The following RARB variants were observed in gnomAD, a reference collection of about 807,000 sequenced individuals.
RARB encodes retinoic acid receptor beta.
In RARB, 17 loss-of-function variants were observed where a neutral mutation model predicts 51.9. The ratio of observed to expected loss-of-function variants is 0.33; its 90% confidence interval spans 0.22 to 0.49. The LOEUF (loss-of-function observed/expected upper bound fraction) is 0.49, where lower values mean the gene tolerates loss of function less well. RARB is among the 20% of genes least tolerant of loss of function. The pLI is 0.99. For synonymous variants in RARB, 215 were observed against 195.4 expected, an observed-to-expected ratio of 1.10 and a Z score of -0.84; for missense variants, 369 against 550.8, an observed-to-expected ratio of 0.67 and a Z score of 3.30.
intron 2 of RARB, among the ~76,000 whole-genome samples, chr3:24,861,231 A>G (rs1055094927): frequency 1.2e-4 from 19 of 152,206 alleles, no homozygotes; most frequent in African/African-American, 4.6e-4. Context: ...ATTAGGTATA[A>G]GTAATCTAGA....
At chr3:25,430,888 G>A (rs1196121053) in intron 1 of RARB, among the ~76,000 whole-genome samples, 2 of 150,018 alleles carry the variant, frequency 1.3e-5, no homozygotes, top group African/African-American at 4.9e-5. Flanking sequence ...TGTAAATATT[G>A]CTTGTGCCCT....
At chr3:25,138,210 A>C (rs1233191305) in intron 4 of RARB, among the ~76,000 whole-genome samples, 1 of 152,146 alleles carries the variant, frequency 6.6e-6, no homozygotes, top group Non-Finnish European at 1.5e-5. Context: ...CTTTTGGGGA[A>C]TAGTCAAATT....
At chr3:25,079,711 T>C (rs1326216115) in intron 3 of RARB, among the ~76,000 whole-genome samples, 3 of 152,208 alleles carry the variant, frequency 2.0e-5, no homozygotes, top group African/African-American at 7.2e-5. Flanking sequence ...TATATTACTT[T>C]TGTTTTAGAA....
chr3:25,488,820 A>G (rs558698412), intron 2 of RARB, among the ~76,000 whole-genome samples: 14 of 152,356 alleles, frequency 9.2e-5, no homozygotes, highest in African/African-American at 2.9e-4. Flanking sequence ...TGTCAGGGAA[A>G]ATAAAACAGG....
intron 2 of RARB, among the ~76,000 whole-genome samples, chr3:25,034,100 T>C (rs1846556): frequency 0.64 from 96,634 of 152,052 alleles, 31,252 homozygotes; most frequent in East Asian, 0.93. Context: ...GAGTCAAGAA[T>C]AGCTGTTTGG....
intron 2 of RARB, among the ~76,000 whole-genome samples, chr3:24,971,223 C>A (rs995940909): frequency 2.6e-5 from 4 of 151,878 alleles, no homozygotes; most frequent in Admixed American, 1.3e-4. Context: ...CAAAACAAAT[C>A]TATGAAATGG....
At chr3:25,451,099 GA>G (rs974049765) in intron 1 of RARB, among the ~76,000 whole-genome samples, 1 of 151,256 alleles carries the variant, frequency 6.6e-6, no homozygotes, top group African/African-American at 2.4e-5. Flanking sequence ...CTCCATCTCA[GA>G]AAAAAAACAA....
chr3:25,240,537 A>G (rs569768176), intron 5 of RARB, among the ~76,000 whole-genome samples: 8 of 152,212 alleles, frequency 5.3e-5, no homozygotes, highest in African/African-American at 1.7e-4. Flanking sequence ...GTTTTTTATC[A>G]TGAAGCAATG....
At chr3:24,963,799 T>C (rs1024511917) in intron 2 of RARB, among the ~76,000 whole-genome samples, 3 of 152,138 alleles carry the variant, frequency 2.0e-5, no homozygotes, top group Non-Finnish European at 2.9e-5. Context: ...AATAAGTGTC[T>C]TCTTTTCCAA....
At chr3:25,531,403 GATAGATAGATA>G (rs1698910665) in intron 3 of RARB, among the ~76,000 whole-genome samples, 4 of 135,676 alleles carry the variant, frequency 2.9e-5, no homozygotes, top group Non-Finnish European at 6.6e-5. Context: ...TAGATAGATA[GATAGATAGATA>G]GATAGATAGA....
Position 25,597,582 on chromosome 3 carries a change from T to TGATA in RARB, c.*967_*970dup. On this transcript the variant is annotated 3_prime_UTR_variant, in exon 8 of 8. Transcript: ENST00000330688. ...TCTAGTGTCCTTCCTGATTCATGCCTGATATTGGGATTTTTTTTTCCAGCC... is the reference window on the plus strand; with the variant it reads ...TCTAGTGTCCTTCCTGATTCATGCCTGATAGATATTGGGATTTTTTTTTCCAGCC... 6.6e-6 allele frequency: 1 copy of TGATA among 152,354 alleles called. No individual in the cohort carries two copies. The highest frequency in any genetic ancestry group is 2.1e-4 in the South Asian group (1 of 4,826). 9.4% of individuals were successfully genotyped at this position (152,354 alleles called of 1,614,324 possible).
At chr3:25,026,576 T>A (rs1697754662) in intron 2 of RARB, among the ~76,000 whole-genome samples, 2 of 152,142 alleles carry the variant, frequency 1.3e-5, no homozygotes, top group South Asian at 4.1e-4. Flanking sequence ...ACTCATATGA[T>A]CTCATTTAAC....
chr3:25,253,081 G>C (rs1702769689), intron 5 of RARB, among the ~76,000 whole-genome samples: 1 of 152,132 alleles, frequency 6.6e-6, no homozygotes, highest in African/African-American at 2.4e-5. Flanking sequence ...ACATGTGGGA[G>C]GTAGATGATA....
chr3:24,939,287 C>T (rs1463934594), intron 2 of RARB, among the ~76,000 whole-genome samples: 1 of 152,192 alleles, frequency 6.6e-6, no homozygotes, highest in South Asian at 2.1e-4. Flanking sequence ...CTTTTATGTA[C>T]AGTGACTGTT....
intron 5 of RARB, among the ~76,000 whole-genome samples, chr3:25,403,716 GC>G (rs1453405594): frequency 6.6e-6 from 1 of 151,648 alleles, no homozygotes; most frequent in Non-Finnish European, 1.5e-5. Flanking sequence ...AACTTTTTCA[GC>G]TTTTTGGATG....
At chr3:25,080,086 A>G (rs1039946939) in intron 3 of RARB, among the ~76,000 whole-genome samples, 2 of 152,146 alleles carry the variant, frequency 1.3e-5, no homozygotes, top group African/African-American at 4.8e-5. Context: ...TTAAGCAGTA[A>G]CTCTGCCATC....
intron 4 of RARB, among the ~76,000 whole-genome samples, chr3:25,575,452 T>C (rs908085396): frequency 6.6e-6 from 1 of 152,224 alleles, no homozygotes; most frequent in Non-Finnish European, 1.5e-5. Context: ...ACAACATTAT[T>C]TGATCGCATT....
intron 3 of RARB, among the ~76,000 whole-genome samples, chr3:25,096,158 T>C (rs1223060910): frequency 1.3e-5 from 2 of 152,336 alleles, no homozygotes; most frequent in East Asian, 3.9e-4. Context: ...CGTGGCTGGT[T>C]TTTGTCATAT....
chr3:25,028,699 A>C (rs1005587351), intron 2 of RARB, among the ~76,000 whole-genome samples: 4 of 152,192 alleles, frequency 2.6e-5, no homozygotes, highest in African/African-American at 9.6e-5. Context: ...AGCCATGTAC[A>C]GAGAAGTAAA....
Sources: allele counts gnomAD v4.1 joint callset (sites outside exome capture counted in the v4.1 genomes callset), GRCh38; gene constraint gnomAD v4.1.1; transcripts MANE v1.5; gene names NCBI Gene and HGNC (gene_info 2026-07-23, HGNC 2026-07-21).